Variants in CD9 observed in about 807,000 individuals in gnomAD.
CD9 encodes the protein CD9 antigen.
A neutral mutation model predicts 31.4 loss-of-function variants in CD9; 10 were observed. That is an observed-to-expected ratio of 0.32 (90% CI 0.20 to 0.54). The LOEUF is 0.54. CD9 is among the 20% of genes least tolerant of loss of function. CD9 has a pLI of 0.94. For missense variants in CD9, 259 were observed against 300.1 expected (o/e 0.86, Z 1.01); for synonymous variants, 113 against 114.1 (o/e 0.99, Z 0.06).
At chr12:6,235,098 A>G (rs2136639627) in intron 4 of CD9, 131 bp from the exon 5 acceptor site, 1 of 718,610 alleles carries the variant, frequency 1.4e-6, no homozygotes, top group Non-Finnish European at 2.5e-6. Flanking sequence ...CCATCTGCCC[A>G]GTGACGTTGT....
chr12:6,201,846 G>C (rs898378266), intron 1 of CD9, among the ~76,000 whole-genome samples: 1 of 152,140 alleles, frequency 6.6e-6, no homozygotes, highest in African/African-American at 2.4e-5. Flanking sequence ...AGACCAGCCT[G>C]GGTAACATAG....
intron 2 of CD9, among the ~76,000 whole-genome samples, chr12:6,228,420 C>T (rs544081596): frequency 4.6e-5 from 7 of 152,086 alleles, no homozygotes; most frequent in South Asian, 2.1e-4. Context: ...GGCGTAGTGG[C>T]GTGCACCTAT....
intron 1 of CD9, among the ~76,000 whole-genome samples, chr12:6,206,896 A>G (rs997373730): frequency 6.6e-6 from 1 of 150,448 alleles, no homozygotes; most frequent in African/African-American, 2.4e-5. Flanking sequence ...GGAGGCCCAT[A>G]GACATTTTTT....
At chr12:6,211,755 G>C (rs1946196437) in intron 1 of CD9, among the ~76,000 whole-genome samples, 1 of 152,234 alleles carries the variant, frequency 6.6e-6, no homozygotes, top group South Asian at 2.1e-4. Flanking sequence ...CAGAATGCCT[G>C]CTTTCAGTGG....
chr12:6,216,625 C>G (rs956852428), intron 1 of CD9, among the ~76,000 whole-genome samples: 1 of 152,174 alleles, frequency 6.6e-6, no homozygotes, highest in Non-Finnish European at 1.5e-5. Flanking sequence ...AGCCTTCCTT[C>G]CCCACTTTCC....
At chr12:6,236,787 A>G (rs917099274) in intron 7 of CD9, 11 of 270,116 alleles carry the variant, frequency 4.1e-5, no homozygotes, top group Admixed American at 3.6e-4. Context: ...CCCAGACGGA[A>G]CATGGTCCTC....
chr12:6,213,681 C>G (rs1946214872), intron 1 of CD9, among the ~76,000 whole-genome samples: 1 of 152,186 alleles, frequency 6.6e-6, no homozygotes. Context: ...CAGAGAGATG[C>G]AGAGCCACGG....
chr12:6,217,471 C>T (rs549064440), intron 1 of CD9, among the ~76,000 whole-genome samples: 376 of 152,256 alleles, frequency 2.5e-3, no homozygotes, highest in African/African-American at 8.4e-3. Context: ...GCAGAGGTTG[C>T]AGTGAGCCAA....
intron 4 of CD9, among the ~76,000 whole-genome samples, chr12:6,234,632 T>C (rs939449962): frequency 2.0e-5 from 3 of 152,270 alleles, no homozygotes; most frequent in Non-Finnish European, 4.4e-5. Context: ...AGACATTAAA[T>C]TGGGATGCGC....
At chr12:6,236,047 G>A in intron 6 of CD9, 145 bp from the exon 7 acceptor site, 1 of 1,450,160 alleles carries the variant, frequency 6.9e-7, no homozygotes, top group Non-Finnish European at 9.1e-7. Context: ...CCACCAGCCA[G>A]AACTTCTCTT....
upstream of CD9, chr12:6,200,240 GC>G: frequency 5.4e-6 from 1 of 183,948 alleles, no homozygotes; most frequent in Non-Finnish European, 1.1e-5. Context: ...CTGGGCGGGG[GC>G]GGGGGGCGGG....
chr12:6,235,355 C>G (rs1169174778), intron 5 of CD9, 28 bp downstream of exon 5: 1 of 1,614,180 alleles, frequency 6.2e-7, no homozygotes, highest in South Asian at 1.1e-5. Context: ...AGACACCCTC[C>G]TGCGCTTTCT....
intron 1 of CD9, among the ~76,000 whole-genome samples, chr12:6,207,488 A>G (rs1946145902): frequency 6.6e-6 from 1 of 152,228 alleles, no homozygotes; most frequent in Non-Finnish European, 1.5e-5. Flanking sequence ...TTTCTAGTAC[A>G]CACGAAAAAT....
At chr12:6,218,875 C>T (rs527241271) in intron 1 of CD9, among the ~76,000 whole-genome samples, 2 of 152,266 alleles carry the variant, frequency 1.3e-5, no homozygotes, top group African/African-American at 4.8e-5. Context: ...CTGAGGCTCA[C>T]ATAAGCCCCA....
At chr12:6,230,692 C>T (rs1028848411) in intron 2 of CD9, among the ~76,000 whole-genome samples, 2 of 152,226 alleles carry the variant, frequency 1.3e-5, no homozygotes, top group African/African-American at 4.8e-5. Flanking sequence ...CCCAGTGCTC[C>T]ATGCATGGGG....
chr12:6,237,031 T>G (rs1946531549), intron 7 of CD9, among the ~76,000 whole-genome samples: 1 of 152,174 alleles, frequency 6.6e-6, no homozygotes. Flanking sequence ...CAGGCTGGAG[T>G]GCAGTGGTGT....
rs529802067 is a variant in CD9, at chr12:6,221,489, G to T, written c.67-3937G>T. 5.9e-5 allele frequency among the ~76,000 whole-genome samples: 9 copies of T among 152,288 alleles called. No homozygotes were observed. In the South Asian group the frequency reaches 8.3e-4, roughly 14 times the overall value. Reference sequence around the variant, plus strand: ...AGGCTGGGGTGGGGCAGCCATCGAAGAAATTACATGGTCAGCATGCCGCCA... The same window carrying T: ...AGGCTGGGGTGGGGCAGCCATCGAATAAATTACATGGTCAGCATGCCGCCA... On this transcript the variant is annotated intron_variant, in intron 1 of 7. Coordinates refer to ENST00000009180, the MANE Select transcript of CD9 (RefSeq NM_001769.4).
At chr12:6,225,962 G>A (rs543315337) in intron 2 of CD9, among the ~76,000 whole-genome samples, 26 of 152,294 alleles carry the variant, frequency 1.7e-4, no homozygotes, top group Admixed American at 3.9e-4. Context: ...TCACTGTTCA[G>A]ATAGGGACTC....
At chr12:6,229,497 G>A (rs1479752865) in intron 2 of CD9, among the ~76,000 whole-genome samples, 2 of 152,226 alleles carry the variant, frequency 1.3e-5, no homozygotes, top group African/African-American at 4.8e-5. Flanking sequence ...TTCCATTGTG[G>A]CACTTATTCC....
Sources: gnomAD v4.1 joint callset for allele counts (sites outside exome capture counted in the v4.1 genomes callset) on GRCh38, gnomAD v4.1.1 for gene constraint, MANE v1.5 for transcripts, NCBI Gene and HGNC (gene_info 2026-07-23, HGNC 2026-07-21) for gene names.